Variants in ABHD6 observed in about 807,000 individuals in gnomAD.
The protein encoded by ABHD6 is abhydrolase domain containing 6, acylglycerol lipase.
In ABHD6, 33 loss-of-function variants were observed where a neutral mutation model predicts 38.8. The observed-to-expected ratio is 0.85, with a 90% CI of 0.64 to 1.14. ABHD6 has a LOEUF of 1.14. Ranked by LOEUF, ABHD6 falls within the 50% of genes most tolerant of loss-of-function variation. ABHD6 has a pLI of 0.00. For missense variants in ABHD6, 380 were observed against 422.6 expected (o/e 0.90, Z 0.88); for synonymous variants, 147 against 161.6 (o/e 0.91, Z 0.69).
intron 6 of ABHD6, among the ~76,000 whole-genome samples, chr3:58,271,842 G>A (rs924300015): frequency 7.8e-6 from 1 of 128,134 alleles, no homozygotes; most frequent in African/African-American, 2.9e-5. Flanking sequence ...ATGGCTCACT[G>A]CAGCCTTGAC....
intron 7 of ABHD6, among the ~76,000 whole-genome samples, chr3:58,284,617 G>A (rs2097455646): frequency 6.6e-6 from 1 of 151,872 alleles, no homozygotes; most frequent in Non-Finnish European, 1.5e-5. Context: ...CATCCTGCTA[G>A]TTTTTGTCTT....
intron 1 of ABHD6, among the ~76,000 whole-genome samples, chr3:58,246,756 AC>A (rs753093496): frequency 2.6e-5 from 4 of 152,078 alleles, no homozygotes; most frequent in Non-Finnish European, 5.9e-5. Context: ...CCAGGATAGA[AC>A]AATAAGAACG....
At chr3:58,270,006 A>G (rs867644437) in intron 5 of ABHD6, among the ~76,000 whole-genome samples, 4 of 152,190 alleles carry the variant, frequency 2.6e-5, no homozygotes, top group African/African-American at 9.7e-5. Flanking sequence ...ACTGTTTTTT[A>G]AATTCGGTCA....
At chr3:58,275,146 G>C (rs2097447857) in intron 7 of ABHD6, among the ~76,000 whole-genome samples, 2 of 152,058 alleles carry the variant, frequency 1.3e-5, no homozygotes, top group Admixed American at 1.3e-4. Flanking sequence ...GGGTGGCTTT[G>C]ATAAGCCTCT....
Position 58,285,344 on chromosome 3 carries a change from T to C in ABHD6, c.737-9T>C, listed in dbSNP as rs565100451. The C allele has an allele frequency of 2.2e-5, 36 of 1,613,644 alleles. No individual in the cohort carries two copies. In the African/African-American group the frequency reaches 4.3e-4, roughly 19 times the overall value. Reference sequence around the variant, plus strand: ...GCACATACTCACTTTGTTTTCCTTTTCTGACAAGTGTTTTTGGAAATCGTC... The same window carrying C: ...GCACATACTCACTTTGTTTTCCTTTCCTGACAAGTGTTTTTGGAAATCGTC... On this transcript the variant is annotated splice_polypyrimidine_tract_variant and intron_variant, in intron 8 of 9. Coordinates refer to ENST00000478253, the MANE Select transcript of ABHD6 (RefSeq NM_001320126.2). The surrounding 1 kb of genome is among the most constrained non-coding windows in gnomAD (Gnocchi z 4.9).
chr3:58,239,958 T>TG (rs1316749417), intron 1 of ABHD6, among the ~76,000 whole-genome samples: 2 of 147,612 alleles, frequency 1.4e-5, no homozygotes, highest in African/African-American at 5.0e-5. Flanking sequence ...AAGACTAGCC[T>TG]GGGCAACATG....
chr3:58,292,652 C>T (rs1476730163), intron 9 of ABHD6, among the ~76,000 whole-genome samples: 10 of 152,118 alleles, frequency 6.6e-5, no homozygotes, highest in Admixed American at 5.9e-4. Context: ...TGCGGTGGCT[C>T]AGGCCTGTAA....
rs1002443372 is a variant in ABHD6, at chr3:58,256,267, T to C, written c.-25-295T>C. ...TTCATCATCATACTCAAGAATTGTG[T>C]CACTGATACATTGACGTTGTCTAAT... On this transcript the variant is annotated intron_variant, in intron 2 of 9. Transcript: ENST00000478253. The surrounding 1 kb of genome is among the most constrained non-coding windows in gnomAD (Gnocchi z 4.3). Among the ~76,000 whole-genome samples the C allele has an allele frequency of 2.6e-5, 4 of 152,164 alleles. No individual in the cohort carries two copies. Among genetic ancestry groups the C allele is most frequent in the Non-Finnish European group, 5.9e-5 (4 of 68,030 alleles).
chr3:58,291,551 A>G (rs1193288972), intron 9 of ABHD6, among the ~76,000 whole-genome samples: 1 of 152,032 alleles, frequency 6.6e-6, no homozygotes, highest in Admixed American at 6.6e-5. Flanking sequence ...GAGCCACCAC[A>G]CCCAGCCCAG....
chr3:58,290,588 G>C (rs2097461704), intron 9 of ABHD6, among the ~76,000 whole-genome samples: 1 of 146,678 alleles, frequency 6.8e-6, no homozygotes, highest in South Asian at 2.2e-4. Context: ...CAGACGGGGT[G>C]GCTGCCGGGC....
rs1366239440 is a variant in ABHD6 at position 58,290,292 on chromosome 3, G to A, written c.838-3297G>A. On this transcript the variant is annotated intron_variant, in intron 9 of 9. Transcript: ENST00000478253. ...CAGACGGGGCGGCTGGCCGGGCGGG[G>A]GGCTGACCCCCCCCACCTCCCTCCC... is the stretch of plus-strand genomic sequence containing the variant. Among the ~76,000 whole-genome samples, 48 of 142,078 alleles carry A rather than the reference G, an allele frequency of 3.4e-4. 2 individuals carry two copies. In the East Asian group the frequency reaches 7.1e-3, roughly 21 times the overall value. The allele number at this position is 142,078 out of a possible 152,430, so 93.2% of individuals were successfully genotyped here.
In ABHD6 at chr3:58,254,547, A is replaced by G. The variant is rs76694324; in HGVS notation, c.-25-2015A>G. 5.3e-3 allele frequency among the ~76,000 whole-genome samples: 803 copies of G among 152,242 alleles called. 10 individuals carry two copies. The highest frequency in any genetic ancestry group is 0.018 in the African/African-American group (757 of 41,528). ...CTGCATTGAACTTATTATCAAATTG[A>G]ATTAAGTATCAGTCGATAGAGGCAT... On this transcript the variant is annotated intron_variant, in intron 2 of 9. Transcript: ENST00000478253.
intron 2 of ABHD6, among the ~76,000 whole-genome samples, chr3:58,253,561 T>C (rs1448710443): frequency 1.3e-5 from 2 of 152,260 alleles, no homozygotes; most frequent in Admixed American, 1.3e-4. Flanking sequence ...ATGTCAGGTC[T>C]CTTACAGAGT....
At position 58,286,822 on chromosome 3, in the gene ABHD6, ATGTGTGTG is replaced by A. The variant is rs56020810; in HGVS notation, c.837+1393_837+1400del. 3.2e-3 allele frequency among the ~76,000 whole-genome samples: 239 copies of A among 74,760 alleles called. 17 individuals carry two copies. The highest frequency in any genetic ancestry group is 0.013 in the East Asian group (20 of 1,530). The allele number at this position is 74,760 out of a possible 152,430, so 49.0% of individuals were successfully genotyped here. On this transcript the variant is annotated intron_variant, in intron 9 of 9. Transcript: ENST00000478253. ...GCATATAAGATATATAAGATCATAT[ATGTGTGTG>A]TGTGTGTGTGTGTGTGTGTGTGTAT...
At chr3:58,243,765 A>C (rs968926434) in intron 1 of ABHD6, among the ~76,000 whole-genome samples, 4 of 151,986 alleles carry the variant, frequency 2.6e-5, no homozygotes, top group African/African-American at 9.7e-5. Context: ...AGTTCAAGGC[A>C]TTCTTGTGCC....
chr3:58,269,986 C>T lies in ABHD6; in HGVS notation c.390+552C>T, dbSNP rs918006577. Reference sequence around the variant, plus strand: ...AAATGAGGATATTTAATATCTGCCTCCTCCATTAAACTGTTTTTTAAATTC... The same window carrying T: ...AAATGAGGATATTTAATATCTGCCTTCTCCATTAAACTGTTTTTTAAATTC... On this transcript the variant is annotated intron_variant, in intron 5 of 9. Transcript: ENST00000478253. This position sits in a 1 kb window ranked among gnomAD's most constrained non-coding sequence, Gnocchi z 4.4. Among the ~76,000 whole-genome samples the T allele has an allele frequency of 6.6e-5, 10 of 152,326 alleles. No individual in the cohort carries two copies. The highest frequency in any genetic ancestry group is 2.4e-4 in the African/African-American group (10 of 41,584).
rs909783963 is a variant in ABHD6, at chr3:58,255,051, G to A, written c.-25-1511G>A. On this transcript the variant is annotated intron_variant, in intron 2 of 9. Transcript: ENST00000478253. ...TTTTCATTCTATGCTAGAATGAACT[G>A]TATTATAAGCTCATAAGACAGGACA... Among the ~76,000 whole-genome samples, 31 of 152,052 alleles carry A rather than the reference G, an allele frequency of 2.0e-4. 1 individual carries two copies. Among genetic ancestry groups the A allele is most frequent in the Non-Finnish European group, 4.4e-5 (3 of 68,028 alleles).
At position 58,271,541 on chromosome 3, in the gene ABHD6, G is replaced by A. The variant is rs541026916; in HGVS notation, c.523+477G>A. ...CCCCTCTCCTTTTTTGGTAAAAACT[G>A]AGAGATCTTTATTTATTATAATAAG... On this transcript the variant is annotated intron_variant, in intron 6 of 9. Transcript: ENST00000478253. 3.9e-5 allele frequency among the ~76,000 whole-genome samples: 6 copies of A among 151,974 alleles called. No homozygotes were observed. In the South Asian group the frequency reaches 1.3e-3, roughly 32 times the overall value.
chr3:58,278,787 C>A (rs1369509485), intron 7 of ABHD6, among the ~76,000 whole-genome samples: 1 of 152,086 alleles, frequency 6.6e-6, no homozygotes, highest in Non-Finnish European at 1.5e-5. Flanking sequence ...TCCCAGAGAT[C>A]CTGGTACATT....
Sources: allele counts gnomAD v4.1 joint callset (sites outside exome capture counted in the v4.1 genomes callset), GRCh38; gene constraint gnomAD v4.1.1; non-coding constraint Gnocchi (gnomAD v3.1); transcripts MANE v1.5; gene names NCBI Gene and HGNC (gene_info 2026-07-23, HGNC 2026-07-21).